The following MYPN variants were observed in gnomAD, a reference collection of about 807,000 sequenced individuals.
MYPN encodes the protein sarcomeric protein myopalladin, 145 kDa (MYOP).
MYPN carries 63 observed loss-of-function variants against 129.4 expected under a neutral mutation model. The ratio of observed to expected loss-of-function variants is 0.49; its 90% CI spans 0.40 to 0.60. The LOEUF is 0.60. MYPN is among the 20% of genes least tolerant of loss of function. The pLI is 0.00. For synonymous variants in MYPN, 629 were observed against 600.9 expected, an observed-to-expected ratio of 1.05 and a Z score of -0.68; for missense variants, 1,596 against 1,635.4, an observed-to-expected ratio of 0.98 and a Z score of 0.42.
At chr10:68,197,506 C>T in intron 16 of MYPN, 28 bp downstream of exon 16, 1 of 1,611,938 alleles carries the variant, frequency 6.2e-7, no homozygotes, top group Non-Finnish European at 8.5e-7. Context: ...TGCTTAGTTC[C>T]AGATCTGTTC....
chr10:68,138,954 A>G (rs2042530199), intron 2 of MYPN, among the ~76,000 whole-genome samples: 1 of 152,142 alleles, frequency 6.6e-6, no homozygotes, highest in South Asian at 2.1e-4. Context: ...CTGTGTTTCT[A>G]TTGCAAATTT....
rs571997803 is a variant in MYPN at position 68,170,951 on chromosome 10, C to T, written c.1974-3115C>T. On this transcript the variant is annotated intron_variant, in intron 10 of 19. Coordinates refer to ENST00000358913, the MANE Select transcript of MYPN (RefSeq NM_032578.4). ...ATCACTTGAGGTCAGGAGTTCTAGA[C>T]TACCCTGGCCAACATGGTGAAACCC... Among the ~76,000 whole-genome samples the T allele has an allele frequency of 1.2e-4, 18 of 152,188 alleles. No homozygotes were observed. The South Asian group carries it at 3.3e-3, about 28-fold the overall frequency.
chr10:68,197,289 C>T, intron 15 of MYPN, 63 bp from the exon 16 acceptor site: 1 of 1,593,532 alleles, frequency 6.3e-7, no homozygotes, highest in Non-Finnish European at 8.6e-7. Context: ...GCCTAAATGC[C>T]TATTATCATA....
intron 10 of MYPN, among the ~76,000 whole-genome samples, chr10:68,173,696 GCTC>G (rs2043178385): frequency 6.6e-6 from 1 of 151,576 alleles, no homozygotes; most frequent in Admixed American, 6.6e-5. Context: ...CCGCCTCCAG[GCTC>G]AAGCCTGGGA....
At chr10:68,171,942 C>T (rs1159444119) in intron 10 of MYPN, among the ~76,000 whole-genome samples, 1 of 152,228 alleles carries the variant, frequency 6.6e-6, no homozygotes, top group East Asian at 1.9e-4. Flanking sequence ...TTCAAAAGTA[C>T]TTGATACAGT....
chr10:68,139,960 T>G (rs2042549324), intron 2 of MYPN, among the ~76,000 whole-genome samples: 1 of 152,118 alleles, frequency 6.6e-6, no homozygotes, highest in South Asian at 2.1e-4. Context: ...CAATTTCAGA[T>G]AGTAACAAAT....
chr10:68,163,104 A>G (rs2043002935), intron 8 of MYPN, among the ~76,000 whole-genome samples: 1 of 152,160 alleles, frequency 6.6e-6, no homozygotes, highest in African/African-American at 2.4e-5. Context: ...AGACCAGCCT[A>G]GGCAATATAG....
At chr10:68,181,950 G>A (rs934991048) in intron 12 of MYPN, among the ~76,000 whole-genome samples, 1 of 151,954 alleles carries the variant, frequency 6.6e-6, no homozygotes, top group African/African-American at 2.4e-5. Context: ...AGGGGTGGAG[G>A]TAGGCATCTC....
chr10:68,184,949 C>T (rs1331587167), intron 12 of MYPN, among the ~76,000 whole-genome samples: 1 of 152,140 alleles, frequency 6.6e-6, no homozygotes, highest in Admixed American at 6.5e-5. Context: ...ACATCTGAAG[C>T]CACACAGCCT....
At chr10:68,176,266 A>G (rs2043226175) in intron 12 of MYPN, among the ~76,000 whole-genome samples, 1 of 152,258 alleles carries the variant, frequency 6.6e-6, no homozygotes. Context: ...GCATCATTCA[A>G]ACAAAAGAAA....
chr10:68,172,841 G>C lies in MYPN; in HGVS notation c.1974-1225G>C, dbSNP rs550065755. ...TAATCCCACCAGTTTGGGAGGCCAA[G>C]ACGGGCAGATCATTTGAGGTCAGGA... On this transcript the variant is annotated intron_variant, in intron 10 of 19. Transcript: ENST00000358913. 8.5e-4 allele frequency among the ~76,000 whole-genome samples: 129 copies of C among 152,178 alleles called. 1 individual carries two copies. The highest frequency in any genetic ancestry group is 2.7e-3 in the African/African-American group (112 of 41,542).
chr10:68,171,146 CAA>C (rs10656004), intron 10 of MYPN, among the ~76,000 whole-genome samples: 7 of 132,830 alleles, frequency 5.3e-5, no homozygotes, highest in South Asian at 2.5e-4. Context: ...AAGACTCTGT[CAA>C]AAAAAAAAAA....
intron 1 of MYPN, among the ~76,000 whole-genome samples, chr10:68,092,367 C>T (rs768693931): frequency 3.3e-5 from 5 of 151,898 alleles, no homozygotes; most frequent in South Asian, 2.1e-4. Context: ...TGGTGGCAGG[C>T]GCCTGTTATC....
In MYPN at chr10:68,184,794, G is replaced by C. The variant is rs144044417; in HGVS notation, c.2704-4111G>C. On this transcript the variant is annotated intron_variant, in intron 12 of 19. Coordinates refer to ENST00000358913, the MANE Select transcript of MYPN (RefSeq NM_032578.4). Reference sequence around the variant, plus strand: ...CTTGGAGCTTTCTCTTCTGACTTTCGGTGCCTGTGCCCTGTCCTTGGCTGG... The same window carrying C: ...CTTGGAGCTTTCTCTTCTGACTTTCCGTGCCTGTGCCCTGTCCTTGGCTGG... Among the ~76,000 whole-genome samples the C allele has an allele frequency of 3.3e-5, 5 of 152,190 alleles. No homozygotes were observed. The East Asian group carries it at 9.7e-4, about 29-fold the overall frequency.
intron 9 of MYPN, 23 bp from the exon 10 acceptor site, chr10:68,166,271 A>G: frequency 6.2e-7 from 1 of 1,614,002 alleles, no homozygotes; most frequent in Non-Finnish European, 8.5e-7. Context: ...CTGACAGCTC[A>G]GGTCCTGTGA....
chr10:68,126,464 G>T (rs1455538393), intron 2 of MYPN, among the ~76,000 whole-genome samples: 1 of 152,132 alleles, frequency 6.6e-6, no homozygotes, highest in East Asian at 1.9e-4. Flanking sequence ...TAATTAATCT[G>T]CAAGAATAAG....
At chr10:68,120,016 T>C (rs1009213420) in intron 1 of MYPN, among the ~76,000 whole-genome samples, 1 of 152,226 alleles carries the variant, frequency 6.6e-6, no homozygotes, top group Non-Finnish European at 1.5e-5. Flanking sequence ...TAAGTTCTAT[T>C]ATAGGATGTT....
At chr10:68,145,781 C>A (rs1171575730) in intron 4 of MYPN, among the ~76,000 whole-genome samples, 1 of 152,204 alleles carries the variant, frequency 6.6e-6, no homozygotes, top group African/African-American at 2.4e-5. Flanking sequence ...TCCTTAAGGG[C>A]AGAAATCCTT....
intron 12 of MYPN, among the ~76,000 whole-genome samples, chr10:68,175,925 A>T (rs1041337540): frequency 6.6e-6 from 1 of 151,818 alleles, no homozygotes; most frequent in African/African-American, 2.4e-5. Context: ...AATTTTTTGT[A>T]GAGACAGGGG....
Sources: gnomAD v4.1 joint callset for allele counts (sites outside exome capture counted in the v4.1 genomes callset) on GRCh38, gnomAD v4.1.1 for gene constraint, MANE v1.5 for transcripts, NCBI Gene and HGNC (gene_info 2026-07-23, HGNC 2026-07-21) for gene names.